Variants in ADD2 observed in about 807,000 individuals in gnomAD.
ADD2 encodes the protein beta-adducin.
ADD2 carries 23 observed loss-of-function variants against 83.0 expected under a neutral mutation model. The ratio of observed to expected loss-of-function variants is 0.28; its 90% CI spans 0.20 to 0.39. ADD2 has a LOEUF of 0.39. Among genes scored for constraint, ADD2 ranks in the 10% least tolerant of loss-of-function variants. The pLI is 1.00. For missense variants in ADD2, 758 were observed against 944.9 expected (o/e 0.80, Z 2.59); for synonymous variants, 375 against 375.4 (o/e 1.00, Z 0.01).
intron 1 of ADD2, among the ~76,000 whole-genome samples, chr2:70,762,229 G>A (rs1410296846): frequency 3.3e-5 from 5 of 151,686 alleles, no homozygotes; most frequent in East Asian, 1.9e-4. Flanking sequence ...TCAAAATGAC[G>A]TAAAAGAAGA....
chr2:70,681,306 C>G (rs1338832785), intron 10 of ADD2, among the ~76,000 whole-genome samples: 1 of 152,116 alleles, frequency 6.6e-6, no homozygotes, highest in Non-Finnish European at 1.5e-5. Context: ...ATGATTGTAT[C>G]CCCAACCAAT....
intron 9 of ADD2, among the ~76,000 whole-genome samples, chr2:70,686,750 C>A (rs118163460): frequency 6.6e-6 from 1 of 152,130 alleles, no homozygotes; most frequent in Non-Finnish European, 1.5e-5. Context: ...GGGCAGCAGC[C>A]GGAGGCGCTA....
intron 2 of ADD2, among the ~76,000 whole-genome samples, chr2:70,710,155 T>C (rs1175603244): frequency 6.6e-6 from 1 of 152,226 alleles, no homozygotes; most frequent in Non-Finnish European, 1.5e-5. Flanking sequence ...CCCCAGTGAG[T>C]ACACTGGATG....
rs144841702 is a variant in ADD2 at position 70,675,868 on chromosome 2, G to C, written c.1593+928C>G. On this transcript the variant is annotated intron_variant, in intron 13 of 15. Coordinates refer to ENST00000264436, the MANE Select transcript of ADD2 (RefSeq NM_001617.4). ...GAGATTTTTGTTTGTTTTTTTAACA[G>C]TGTTGCTCATTGTAATGAACTCTCA... 1,182 of 985,348 alleles carry C rather than the reference G, an allele frequency of 1.2e-3. 5 individuals carry two copies. The highest frequency in any genetic ancestry group is 0.011 in the African/African-American group (613 of 57,344). 61.0% of individuals were successfully genotyped at this position (985,348 alleles called of 1,614,324 possible).
intron 1 of ADD2, among the ~76,000 whole-genome samples, chr2:70,757,008 A>G (rs1038775614): frequency 6.6e-6 from 1 of 152,074 alleles, no homozygotes; most frequent in African/African-American, 2.4e-5. Context: ...TTGTACTTTC[A>G]GTAGAGACAG....
chr2:70,757,117 C>T (rs2104548492), intron 1 of ADD2, among the ~76,000 whole-genome samples: 2 of 152,290 alleles, frequency 1.3e-5, no homozygotes, highest in East Asian at 3.9e-4. Flanking sequence ...GATAAGCCAC[C>T]GTGCCCGGCT....
At chr2:70,765,633 G>A (rs1208084895) in intron 1 of ADD2, among the ~76,000 whole-genome samples, 3 of 152,246 alleles carry the variant, frequency 2.0e-5, no homozygotes, top group African/African-American at 7.2e-5. Context: ...GAGTGAAGAA[G>A]TGTGTGAATG....
intron 1 of ADD2, among the ~76,000 whole-genome samples, chr2:70,748,057 G>GT (rs1294264558): frequency 6.6e-6 from 1 of 151,944 alleles, no homozygotes; most frequent in Non-Finnish European, 1.5e-5. Flanking sequence ...AAAAACAAGT[G>GT]TTTTTTTAAT....
In ADD2 at chr2:70,704,263, T is replaced by TGCCCCCCCCCCCCCCCCCCC; in HGVS notation, c.322+57_322+58insGGGGGGGGGGGGGGGGGGGC. 180 of 913,204 alleles carry TGCCCCCCCCCCCCCCCCCCC rather than the reference T, an allele frequency of 2.0e-4. 1 individual carries two copies. The highest frequency in any genetic ancestry group is 2.5e-4 in the Non-Finnish European group (149 of 592,364). 56.6% of individuals were successfully genotyped at this position (913,204 alleles called of 1,614,324 possible). ...TGCTTCTTGCTGCTCCTCCCTCTCT[T>TGCCCCCCCCCCCCCCCCCCC]CCCCACCCCACCCTCCCCTCCACCT... On this transcript the variant is annotated intron_variant, in intron 4 of 15. Coordinates refer to ENST00000264436, the MANE Select transcript of ADD2 (RefSeq NM_001617.4).
intron 1 of ADD2, among the ~76,000 whole-genome samples, chr2:70,745,352 G>GGTT (rs1333059134): frequency 6.6e-6 from 1 of 152,154 alleles, no homozygotes; most frequent in Non-Finnish European, 1.5e-5. Flanking sequence ...CTTGCTGTAG[G>GGTT]GTTGTTGTTG....
intron 1 of ADD2, chr2:70,717,914 G>A (rs1253242029): frequency 3.3e-5 from 5 of 152,176 alleles, no homozygotes; most frequent in African/African-American, 1.2e-4. Context: ...GGTATTAACT[G>A]CTGTGATCAT....
intron 6 of ADD2, among the ~76,000 whole-genome samples, chr2:70,694,593 TG>T (rs2104335900): frequency 6.6e-6 from 1 of 152,268 alleles, no homozygotes; most frequent in South Asian, 2.1e-4. Flanking sequence ...CTGGGTTTGA[TG>T]CATGCTGCAC....
At position 70,663,588 on chromosome 2, in the gene ADD2, G is replaced by A. The variant is rs782573178; in HGVS notation, c.2018C>T (p.Ala673Val). Residue 673 changes from alanine (A) to valine (V), a missense_variant, in exon 16 of 16, where the codon GCT (alanine) becomes GTT (valine). By Grantham distance (64) the Ala-to-Val change is moderately conservative. This residue lies in a region of ADD2 where 165 missense variants were observed against 176.2 expected (regional missense o/e 0.94). Coordinates refer to ENST00000264436, the MANE Select transcript of ADD2 (RefSeq NM_001617.4). ...SKGLSQMTTS[A>V]DTDVDTSKDK... ...CTTAGAGGTATCAACATCCGTGTCA[G>A]CACTGGTGGTCATCTGGCTCAGGCC... The A allele has an allele frequency of 6.2e-7, 1 of 1,614,054 alleles. No homozygotes were observed. Among genetic ancestry groups the A allele is most frequent in the Non-Finnish European group, 8.5e-7 (1 of 1,180,046 alleles).
chr2:70,713,733 T>C (rs1244473882), intron 1 of ADD2, among the ~76,000 whole-genome samples: 2 of 152,102 alleles, frequency 1.3e-5, no homozygotes, highest in South Asian at 2.1e-4. Context: ...GGGAAAGCGG[T>C]TGCCCTGGCC....
rs1553374038 is a variant in ADD2 at position 70,704,387 on chromosome 2, C to T, written c.256G>A (p.Ala86Thr). The change falls in exon 4 of 16, where the codon GCC becomes ACC. Residue 86 changes from alanine (A) to threonine (T), a missense_variant. Ala to Thr is a moderately conservative substitution (Grantham distance 58, BLOSUM62 0). This residue lies in a region of ADD2 where 175 missense variants were observed against 192.1 expected (regional missense o/e 0.91). Transcript: ENST00000264436. ...KKGNNSSNIW[A>T]LRQIADFMAS... is the part of the protein sequence containing the mutation. ...ATGAAGTCCGCGATCTGTCGCAGGGCCCAGATGTTGGAGGAGTTGTTCCCC... is the reference window on the plus strand; with the variant it reads ...ATGAAGTCCGCGATCTGTCGCAGGGTCCAGATGTTGGAGGAGTTGTTCCCC... 6.2e-7 allele frequency: 1 copy of T among 1,613,562 alleles called. No individual in the cohort carries two copies. Among genetic ancestry groups the T allele is most frequent in the Admixed American group, 1.7e-5 (1 of 59,942 alleles).
intron 3 of ADD2, among the ~76,000 whole-genome samples, chr2:70,704,857 G>C (rs1164652516): frequency 6.6e-6 from 1 of 152,104 alleles, no homozygotes; most frequent in African/African-American, 2.4e-5. Context: ...TGATTCTTTC[G>C]GGCTTCAGTT....
chr2:70,687,608 AC>A (rs1670805032), intron 9 of ADD2, among the ~76,000 whole-genome samples: 1 of 151,804 alleles, frequency 6.6e-6, no homozygotes, highest in South Asian at 2.1e-4. Flanking sequence ...AAACAAACAA[AC>A]AAACAAACAA....
chr2:70,698,240 G>C (rs1358064222), intron 4 of ADD2, among the ~76,000 whole-genome samples: 1 of 152,190 alleles, frequency 6.6e-6, no homozygotes, highest in Admixed American at 6.5e-5. Flanking sequence ...TGATGGCCAG[G>C]GGGCCAGAAC....
At chr2:70,756,226 T>G (rs377542740) in intron 1 of ADD2, among the ~76,000 whole-genome samples, 1 of 152,270 alleles carries the variant, frequency 6.6e-6, no homozygotes, top group East Asian at 1.9e-4. Flanking sequence ...AGTTAACTCT[T>G]TATCTCAAAA....
Sources: gnomAD v4.1 joint callset for allele counts (sites outside exome capture counted in the v4.1 genomes callset) on GRCh38, gnomAD v4.1.1 for gene constraint, gnomAD v4.1.1 regional missense constraint, MANE v1.5 for transcripts, NCBI Gene and HGNC (gene_info 2026-07-23, HGNC 2026-07-21) for gene names.